The following RARB variants were observed in gnomAD, a reference collection of about 807,000 sequenced individuals.
RARB encodes the protein retinoic acid receptor beta.
In RARB, 17 loss-of-function variants were observed where a neutral mutation model predicts 51.9. The ratio of observed to expected loss-of-function variants is 0.33; its 90% CI spans 0.22 to 0.49. The LOEUF (loss-of-function observed/expected upper bound fraction) is 0.49. Ranked by LOEUF, RARB falls within the 20% of genes least tolerant of loss-of-function variation. The probability of loss-of-function intolerance (pLI) is 0.99; values close to 1 mark genes in which losing one functional copy is unlikely to be tolerated. For missense variants in RARB, 369 were observed against 550.8 expected (o/e 0.67, Z 3.30); for synonymous variants, 215 against 195.4 (o/e 1.10, Z -0.84).
intron 2 of RARB, among the ~76,000 whole-genome samples, chr3:25,462,884 G>A (rs1307262139): frequency 6.6e-6 from 1 of 152,166 alleles, no homozygotes; most frequent in East Asian, 1.9e-4. Context: ...AGCACATAAG[G>A]TCTCCAGAGG....
chr3:25,081,677 G>C (rs1309955480), intron 3 of RARB, among the ~76,000 whole-genome samples: 4 of 106,210 alleles, frequency 3.8e-5, no homozygotes, highest in Non-Finnish European at 7.0e-5. Flanking sequence ...TTGTTGCCCA[G>C]GTTGGAGTGC....
chr3:25,482,611 C>T (rs1469611871), intron 2 of RARB, among the ~76,000 whole-genome samples: 1 of 137,468 alleles, frequency 7.3e-6, no homozygotes, highest in African/African-American at 2.8e-5. Context: ...GTGATCTCGG[C>T]TCACTGCAAC....
chr3:25,293,825 G>T (rs1218715708), intron 5 of RARB, among the ~76,000 whole-genome samples: 1 of 152,084 alleles, frequency 6.6e-6, no homozygotes, highest in Non-Finnish European at 1.5e-5. Flanking sequence ...ACCTACCCTA[G>T]CCAGCCTCAC....
chr3:25,204,565 T>A (rs1701483400), intron 5 of RARB, among the ~76,000 whole-genome samples: 1 of 152,200 alleles, frequency 6.6e-6, no homozygotes, highest in Non-Finnish European at 1.5e-5. Flanking sequence ...TTTATCTACC[T>A]TTGGTCTTTG....
chr3:25,108,915 T>A (rs1699554711), intron 3 of RARB, among the ~76,000 whole-genome samples: 1 of 152,182 alleles, frequency 6.6e-6, no homozygotes, highest in Non-Finnish European at 1.5e-5. Context: ...AGTTTCTAAG[T>A]GGGTACTCTG....
intron 1 of RARB, among the ~76,000 whole-genome samples, chr3:24,855,220 A>G (rs766377446): frequency 1.3e-5 from 2 of 152,202 alleles, no homozygotes; most frequent in African/African-American, 2.4e-5. Context: ...TGAGAAGGTG[A>G]TCTGAGACAG....
chr3:25,155,929 C>T (rs948906533), intron 4 of RARB, among the ~76,000 whole-genome samples: 1 of 152,176 alleles, frequency 6.6e-6, no homozygotes, highest in African/African-American at 2.4e-5. Context: ...CTTAAAACCC[C>T]CTCCATTGAA....
At position 25,249,155 on chromosome 3, in the gene RARB, G is replaced by T. The variant is rs571252079; in HGVS notation, c.178+74580G>T. Among the ~76,000 whole-genome samples, 6 of 151,764 alleles carry T rather than the reference G, an allele frequency of 4.0e-5. No homozygotes were observed. The South Asian group carries it at 1.3e-3, about 32-fold the overall frequency. On this transcript the variant is annotated intron_variant, in intron 5 of 11. Transcript: ENST00000383772. ...TATTCTTTTTTAAAATTTTTATCTGGTTTATTTCAGACAACCTGTCTTCAA... is the reference window on the plus strand; with the variant it reads ...TATTCTTTTTTAAAATTTTTATCTGTTTTATTTCAGACAACCTGTCTTCAA...
intron 2 of RARB, among the ~76,000 whole-genome samples, chr3:24,917,988 T>C (rs966396527): frequency 6.6e-6 from 1 of 152,198 alleles, no homozygotes; most frequent in Non-Finnish European, 1.5e-5. Flanking sequence ...AGGAAACAAT[T>C]TGTCGGTTTT....
chr3:25,082,472 C>T (rs1233489866), intron 3 of RARB, among the ~76,000 whole-genome samples: 1 of 151,932 alleles, frequency 6.6e-6, no homozygotes, highest in Non-Finnish European at 1.5e-5. Context: ...TTATAATATA[C>T]ACCTTCAACT....
intron 5 of RARB, among the ~76,000 whole-genome samples, chr3:25,303,714 G>T (rs371924582): frequency 3.9e-5 from 6 of 152,228 alleles, no homozygotes; most frequent in African/African-American, 1.4e-4. Flanking sequence ...TGTGAAACTG[G>T]GGGACAATAA....
At chr3:25,336,741 C>G (rs1157277656) in intron 5 of RARB, among the ~76,000 whole-genome samples, 2 of 152,036 alleles carry the variant, frequency 1.3e-5, no homozygotes, top group Non-Finnish European at 2.9e-5. Context: ...GTGCCAATTA[C>G]CTAAAGGTTA....
At chr3:25,380,184 TGTGCCCC>T (rs1706582603) in intron 5 of RARB, among the ~76,000 whole-genome samples, 1 of 152,214 alleles carries the variant, frequency 6.6e-6, no homozygotes, top group Non-Finnish European at 1.5e-5. Context: ...GCTGGCCTCC[TGTGCCCC>T]GTTTAATGGA....
chr3:25,171,932 C>A (rs918219994), intron 4 of RARB, among the ~76,000 whole-genome samples: 1 of 149,666 alleles, frequency 6.7e-6, no homozygotes, highest in Non-Finnish European at 1.5e-5. Flanking sequence ...GCACCAAAAT[C>A]ATCTCTGAGA....
intron 5 of RARB, among the ~76,000 whole-genome samples, chr3:25,381,713 A>G (rs1295849283): frequency 6.6e-6 from 1 of 152,228 alleles, no homozygotes; most frequent in African/African-American, 2.4e-5. Flanking sequence ...TCCTTGGACC[A>G]GCAGCATCAG....
At chr3:25,566,286 C>T (rs1219298124) in intron 3 of RARB, among the ~76,000 whole-genome samples, 1 of 152,174 alleles carries the variant, frequency 6.6e-6, no homozygotes, top group Non-Finnish European at 1.5e-5. Flanking sequence ...GGCATCATCA[C>T]CAGAGGGGTT....
chr3:25,240,325 C>G (rs1159861503), intron 5 of RARB, among the ~76,000 whole-genome samples: 1 of 152,086 alleles, frequency 6.6e-6, no homozygotes, highest in Non-Finnish European at 1.5e-5. Flanking sequence ...TGAGTTCTTT[C>G]TCATACCTGA....
chr3:25,262,361 A>G (rs559289383), intron 5 of RARB, among the ~76,000 whole-genome samples: 18 of 151,990 alleles, frequency 1.2e-4, no homozygotes, highest in Non-Finnish European at 1.5e-4. Flanking sequence ...TCCTGTGTCG[A>G]TTTTTCGTGT....
chr3:25,371,469 G>A (rs1706295553), intron 5 of RARB, among the ~76,000 whole-genome samples: 1 of 152,158 alleles, frequency 6.6e-6, no homozygotes, highest in Admixed American at 6.5e-5. Flanking sequence ...GATGTTTCTT[G>A]GTCATTATTA....
Sources: allele counts gnomAD v4.1 joint callset (sites outside exome capture counted in the v4.1 genomes callset), GRCh38; gene constraint gnomAD v4.1.1; transcripts MANE v1.5; gene names NCBI Gene and HGNC (gene_info 2026-07-23, HGNC 2026-07-21).